The following CAMKMT variants were observed in gnomAD, a reference collection of about 807,000 sequenced individuals.
The protein encoded by CAMKMT is CaM KMT.
Under a neutral mutation model 48.0 loss-of-function variants are expected in CAMKMT, and 53 were observed. That is an observed-to-expected ratio of 1.10 (90% CI 0.89 to 1.39). The LOEUF (loss-of-function observed/expected upper bound fraction) is 1.39. CAMKMT is among the 40% of genes most tolerant of loss of function. The pLI is 0.00. For missense variants in CAMKMT, 428 were observed against 402.7 expected, an observed-to-expected ratio of 1.06 and a Z score of -0.54; for synonymous variants, 165 against 152.3, an observed-to-expected ratio of 1.08 and a Z score of -0.61.
chr2:44,367,186 AT>A (rs1401796562), intron 1 of CAMKMT, among the ~76,000 whole-genome samples: 10 of 152,182 alleles, frequency 6.6e-5, no homozygotes, highest in Non-Finnish European at 1.5e-4. Context: ...GGAATTGGCC[AT>A]TTTTGTTGAG....
At chr2:44,752,952 A>G (rs1205454956) in intron 8 of CAMKMT, among the ~76,000 whole-genome samples, 1 of 152,236 alleles carries the variant, frequency 6.6e-6, no homozygotes, top group Non-Finnish European at 1.5e-5. Context: ...CCAAACTCAA[A>G]GGTCTGCGAC....
chr2:44,724,369 C>T (rs1043138038), intron 7 of CAMKMT, among the ~76,000 whole-genome samples: 3 of 152,122 alleles, frequency 2.0e-5, no homozygotes, highest in African/African-American at 7.2e-5. Flanking sequence ...GGTTCATGAC[C>T]CATCATCACC....
intron 3 of CAMKMT, among the ~76,000 whole-genome samples, chr2:44,469,276 TAA>T (rs1221993525): frequency 2.0e-5 from 3 of 151,108 alleles, no homozygotes; most frequent in African/African-American, 4.9e-5. Context: ...AATATAATAA[TAA>T]TTTTTTAAAA....
intron 8 of CAMKMT, among the ~76,000 whole-genome samples, chr2:44,750,036 G>C (rs976636113): frequency 6.6e-6 from 1 of 152,192 alleles, no homozygotes; most frequent in African/African-American, 2.4e-5. Flanking sequence ...CACCGTTAGA[G>C]AAGAAATTCA....
Position 44,390,227 on chromosome 2 carries a change from T to G in CAMKMT, c.312-14T>G, listed in dbSNP as rs374520832. On this transcript the variant is annotated splice_polypyrimidine_tract_variant and intron_variant, in intron 2 of 10. Transcript: ENST00000378494. ...TTTCAGAATCATTAAAGCAAACGCT[T>G]TACTCCTTTCTAGGCATAATAGTGG... 17 of 1,597,702 alleles carry G rather than the reference T, an allele frequency of 1.1e-5. No individual in the cohort carries two copies. The highest frequency in any genetic ancestry group is 1.4e-5 in the Non-Finnish European group (17 of 1,172,798).
At chr2:44,579,661 T>C (rs1238815565) in intron 3 of CAMKMT, among the ~76,000 whole-genome samples, 2 of 152,212 alleles carry the variant, frequency 1.3e-5, no homozygotes, top group Non-Finnish European at 2.9e-5. Context: ...TGAGCATTGC[T>C]GCCCTCCCCG....
At chr2:44,638,080 A>AGAAAAAG (rs1265278132) in intron 3 of CAMKMT, among the ~76,000 whole-genome samples, 4 of 151,642 alleles carry the variant, frequency 2.6e-5, no homozygotes, top group South Asian at 2.1e-4. Flanking sequence ...AAAGAGAAAA[A>AGAAAAAG]GAAAAAGAAA....
At position 44,519,815 on chromosome 2, in the gene CAMKMT, G is replaced by C. The variant is rs76452847; in HGVS notation, c.376+129510G>C. 5.0e-3 allele frequency among the ~76,000 whole-genome samples: 760 copies of C among 152,266 alleles called. 6 individuals carry two copies. The highest frequency in any genetic ancestry group is 0.017 in the African/African-American group (717 of 41,560). ...ATCTTAATTTTGTACATGGTGGCATGATCATAGCTGAGAATTCCTGGGCTC... is the reference window on the plus strand; with the variant it reads ...ATCTTAATTTTGTACATGGTGGCATCATCATAGCTGAGAATTCCTGGGCTC... On this transcript the variant is annotated intron_variant, in intron 3 of 10. Transcript: ENST00000378494.
chr2:44,629,845 C>A (rs1419681567), intron 3 of CAMKMT, among the ~76,000 whole-genome samples: 2 of 152,014 alleles, frequency 1.3e-5, no homozygotes, highest in East Asian at 3.8e-4. Flanking sequence ...GATTCAATGC[C>A]ATCCCCATCA....
intron 3 of CAMKMT, among the ~76,000 whole-genome samples, chr2:44,608,968 A>G (rs909174046): frequency 6.6e-6 from 1 of 152,212 alleles, no homozygotes. Context: ...CTATTCAAGT[A>G]ATTTAAATCT....
chr2:44,649,375 A>AG (rs1673932745), intron 3 of CAMKMT, among the ~76,000 whole-genome samples: 1 of 152,100 alleles, frequency 6.6e-6, no homozygotes, highest in African/African-American at 2.4e-5. Flanking sequence ...AGACGGCTCT[A>AG]GTCAGAAAGA....
chr2:44,476,016 C>T (rs963240383), intron 3 of CAMKMT, among the ~76,000 whole-genome samples: 4 of 152,072 alleles, frequency 2.6e-5, no homozygotes, highest in African/African-American at 7.2e-5. Flanking sequence ...TTGTGTGAAA[C>T]AACACTAAAT....
chr2:44,450,637 C>T (rs1004021603), intron 3 of CAMKMT, among the ~76,000 whole-genome samples: 2 of 151,990 alleles, frequency 1.3e-5, no homozygotes, highest in African/African-American at 4.8e-5. Flanking sequence ...AAGCTAATTT[C>T]AGTTTTGGTT....
intron 3 of CAMKMT, among the ~76,000 whole-genome samples, chr2:44,581,400 C>T (rs1442644507): frequency 1.3e-5 from 2 of 152,166 alleles, no homozygotes; most frequent in Non-Finnish European, 2.9e-5. Context: ...GGAATTAAAT[C>T]TGTTTCTTCT....
At chr2:44,654,835 CT>C (rs1393929365) in intron 3 of CAMKMT, among the ~76,000 whole-genome samples, 2 of 152,172 alleles carry the variant, frequency 1.3e-5, no homozygotes, top group Admixed American at 6.5e-5. Context: ...TTTAAAACAA[CT>C]TTTTTCATGT....
At chr2:44,687,852 T>A (rs1324933750) in intron 3 of CAMKMT, among the ~76,000 whole-genome samples, 1 of 152,046 alleles carries the variant, frequency 6.6e-6, no homozygotes, top group East Asian at 1.9e-4. Flanking sequence ...GCAGCCTGAG[T>A]TTTTATTAAC....
chr2:44,581,847 A>G (rs1053597902), intron 3 of CAMKMT, among the ~76,000 whole-genome samples: 2 of 151,966 alleles, frequency 1.3e-5, no homozygotes, highest in African/African-American at 4.8e-5. Flanking sequence ...AAAAGTACAC[A>G]TATTAGCCAG....
At chr2:44,501,335 C>T (rs941735673) in intron 3 of CAMKMT, among the ~76,000 whole-genome samples, 1 of 152,082 alleles carries the variant, frequency 6.6e-6, no homozygotes, top group African/African-American at 2.4e-5. Context: ...TAAACACTTT[C>T]ACTGGGTGAG....
chr2:44,665,191 C>G (rs971107296), intron 3 of CAMKMT, among the ~76,000 whole-genome samples: 3 of 152,128 alleles, frequency 2.0e-5, no homozygotes, highest in Admixed American at 2.0e-4. Context: ...CTGCCTCAGC[C>G]TCCTGAGTAG....
Sources: gnomAD v4.1 joint callset for allele counts (sites outside exome capture counted in the v4.1 genomes callset) on GRCh38, gnomAD v4.1.1 for gene constraint, MANE v1.5 for transcripts, NCBI Gene and HGNC (gene_info 2026-07-23, HGNC 2026-07-21) for gene names.